Variants in STK4 observed in about 807,000 individuals in gnomAD.
The protein encoded by STK4 is serine/threonine kinase 4, also known as serine/threonine-protein kinase 4.
A neutral mutation model predicts 64.9 loss-of-function variants in STK4; 30 were observed. That is an observed-to-expected ratio of 0.46 (90% CI 0.35 to 0.63). The LOEUF is 0.63. STK4 is among the 20% of genes least tolerant of loss of function. The pLI is 0.01. For missense variants in STK4, 466 were observed against 598.5 expected (o/e 0.78, Z 2.31); for synonymous variants, 177 against 199.0 (o/e 0.89, Z 0.93).
intron 7 of STK4, among the ~76,000 whole-genome samples, chr20:44,999,170 T>G (rs1316897287): frequency 2.6e-5 from 4 of 152,088 alleles, no homozygotes; most frequent in African/African-American, 9.7e-5. Context: ...TGATGTTAAA[T>G]AATAACAGGC....
Position 45,053,063 on chromosome 20 carries a change from G to A in STK4, c.1306-21955G>A, listed in dbSNP as rs747396341. The A allele has an allele frequency of 7.7e-5, 119 of 1,551,002 alleles. No individual in the cohort carries two copies. In the South Asian group the frequency reaches 1.3e-3, roughly 17 times the overall value. On this transcript the variant is annotated intron_variant, in intron 10 of 10. Coordinates refer to ENST00000372806, the MANE Select transcript of STK4 (RefSeq NM_006282.5). ...TTATTTGTGCTTTGGAATATAATGA[G>A]ATTTTGTGCTCTTTTCTTTCAGAAA...
intron 10 of STK4, among the ~76,000 whole-genome samples, chr20:45,066,844 C>T (rs1418309484): frequency 6.6e-6 from 1 of 152,050 alleles, no homozygotes; most frequent in Non-Finnish European, 1.5e-5. Context: ...ATTAAAATTC[C>T]CACAAGGCTT....
In STK4 at chr20:45,000,536, T is replaced by C. The variant is rs2067818514; in HGVS notation, c.960+16T>C. On this transcript the variant is annotated intron_variant, in intron 8 of 10. Transcript: ENST00000372806. The stretch of plus-strand genomic sequence containing the variant: ...AGAAAACTCAGTGAGTGGCAGCCGT[T>C]GCTGTGGGCCTCAGACATTGATGCT... 2.1e-5 allele frequency: 34 copies of C among 1,613,494 alleles called. 1 individual carries two copies. The highest frequency in any genetic ancestry group is 2.9e-5 in the Non-Finnish European group (34 of 1,179,708).
rs1036187297 is a variant in STK4 at position 45,077,050 on chromosome 20, C to G, written c.*1874C>G. ...GGTAGGCTCTAAACTTCACAATAACCCTGTGACTTAACTACTTTATCTCCA... is the reference window on the plus strand; with the variant it reads ...GGTAGGCTCTAAACTTCACAATAACGCTGTGACTTAACTACTTTATCTCCA... On this transcript the variant is annotated 3_prime_UTR_variant, in exon 11 of 11. Coordinates refer to ENST00000372806, the MANE Select transcript of STK4 (RefSeq NM_006282.5). 1.3e-5 allele frequency: 2 copies of G among 152,128 alleles called. No individual in the cohort carries two copies. The highest frequency in any genetic ancestry group is 4.8e-5 in the African/African-American group (2 of 41,418). The allele number at this position is 152,128 out of a possible 1,614,324, so 9.4% of individuals were successfully genotyped here. A position where few individuals can be genotyped will look rare whatever the true frequency, so the allele number is the denominator to read the frequency against.
At chr20:44,999,951 T>A (rs188479394) in intron 7 of STK4, among the ~76,000 whole-genome samples, 2 of 152,228 alleles carry the variant, frequency 1.3e-5, no homozygotes, top group African/African-American at 4.8e-5. Context: ...TACTAAGGTG[T>A]ATACACACCC....
chr20:45,053,292 G>A, intron 10 of STK4: 1 of 862,008 alleles, frequency 1.2e-6, no homozygotes, highest in South Asian at 1.6e-5. Flanking sequence ...GGCTTTGAGA[G>A]CAGGACTTAA....
chr20:44,967,320 C>A, intron 1 of STK4: 1 of 802,916 alleles, frequency 1.2e-6, no homozygotes, highest in Non-Finnish European at 1.5e-6. Flanking sequence ...GACTGAGGTC[C>A]AGAGTAGTTG....
chr20:44,992,233 G>GTTT (rs930243790), intron 5 of STK4, among the ~76,000 whole-genome samples: 4 of 150,320 alleles, frequency 2.7e-5, no homozygotes, highest in Non-Finnish European at 5.9e-5. Flanking sequence ...GTTAATCTAT[G>GTTT]TTTTTTTTAT....
intron 9 of STK4, among the ~76,000 whole-genome samples, chr20:45,011,731 T>TATATATATATATATATATATATATATA (rs1428985946): frequency 1.7e-4 from 14 of 81,160 alleles, no homozygotes; most frequent in Non-Finnish European, 1.9e-4. Flanking sequence ...ATATATATAT[T>TATATATATATATATATATATATATATA]TTTTTTTTTT....
chr20:45,045,069 TA>T (rs890682526), intron 10 of STK4, among the ~76,000 whole-genome samples: 87 of 152,166 alleles, frequency 5.7e-4, no homozygotes, highest in African/African-American at 1.9e-3. Flanking sequence ...TTTACTATTA[TA>T]AAAAAATTAA....
chr20:44,979,795 G>A (rs2067405488), intron 3 of STK4, among the ~76,000 whole-genome samples: 2 of 149,244 alleles, frequency 1.3e-5, no homozygotes, highest in Non-Finnish European at 3.0e-5. Context: ...CTATTTTTGT[G>A]ATTACTGTCT....
In STK4 at chr20:44,994,594, T is replaced by C. The variant is rs114840289; in HGVS notation, c.526-496T>C. Among the ~76,000 whole-genome samples, 458 of 152,066 alleles carry C rather than the reference T, an allele frequency of 3.0e-3. 2 individuals are homozygous for C. The highest frequency in any genetic ancestry group is 0.011 in the African/African-American group (436 of 41,484). On this transcript the variant is annotated intron_variant, in intron 5 of 10. Transcript: ENST00000372806. The stretch of plus-strand genomic sequence containing the variant: ...GAGTTGTTTCCTTTTCCTCCTCATC[T>C]CCCCCATTACAGACATTTCTACAGT...
intron 9 of STK4, among the ~76,000 whole-genome samples, chr20:45,006,998 C>T (rs2067958403): frequency 6.6e-6 from 1 of 152,100 alleles, no homozygotes; most frequent in South Asian, 2.1e-4. Context: ...CCGCTTTTGG[C>T]ATCTGGAAGT....
rs1980546715 is a variant in STK4, at chr20:45,076,734, TG to T, written c.*1561del. ...TTTCCCTCAGATGGGGAGCCATGAC[TG>T]GGTTGCACCTCAGGATACTGTAATT... On this transcript the variant is annotated 3_prime_UTR_variant, in exon 11 of 11. Coordinates refer to ENST00000372806, the MANE Select transcript of STK4 (RefSeq NM_006282.5). This position sits in a 1 kb window ranked among gnomAD's most constrained non-coding sequence, Gnocchi z 4.0. 1 of 152,254 alleles carries T rather than the reference TG, an allele frequency of 6.6e-6. No homozygotes were observed. The highest frequency in any genetic ancestry group is 6.5e-5 in the Admixed American group (1 of 15,280). 9.4% of individuals were successfully genotyped at this position (152,254 alleles called of 1,614,324 possible).
chr20:45,039,195 A>G (rs187298215), intron 10 of STK4, among the ~76,000 whole-genome samples: 6 of 152,214 alleles, frequency 3.9e-5, no homozygotes, highest in Admixed American at 3.9e-4. Context: ...TGATGTTTTA[A>G]AATTTTGAGT....
At chr20:45,026,151 T>C (rs2068342487) in intron 10 of STK4, among the ~76,000 whole-genome samples, 4 of 148,650 alleles carry the variant, frequency 2.7e-5, no homozygotes, top group Admixed American at 6.7e-5. Flanking sequence ...TTTTTGGATG[T>C]CATGTGTTTG....
rs894645987 is a variant in STK4, at chr20:44,995,474, C to T, written c.693+217C>T. Among the ~76,000 whole-genome samples the T allele has an allele frequency of 7.9e-5, 12 of 151,782 alleles. No homozygotes were observed. In the East Asian group the frequency reaches 1.2e-3, roughly 15 times the overall value. ...TACAAAAATTAGCTGGGTGTGGTGGCGTGCGCCTGTAATCCCAGCTGCTTG... is the reference window on the plus strand; with the variant it reads ...TACAAAAATTAGCTGGGTGTGGTGGTGTGCGCCTGTAATCCCAGCTGCTTG... On this transcript the variant is annotated intron_variant, in intron 6 of 10. Transcript: ENST00000372806.
Position 45,075,428 on chromosome 20 carries a change from C to G in STK4, c.*252C>G. On this transcript the variant is annotated 3_prime_UTR_variant, in exon 11 of 11. Transcript: ENST00000372806. ...CGCTTTTAACTCAGAGTTTTAAACC[C>G]CAGGAACAGAGACTCCTAGTTGAGT... is the stretch of plus-strand genomic sequence containing the variant. The G allele has an allele frequency of 2.8e-6, 1 of 359,506 alleles. No individual in the cohort carries two copies. Among genetic ancestry groups the G allele is most frequent in the Non-Finnish European group, 5.1e-6 (1 of 197,316 alleles). 22.3% of individuals were successfully genotyped at this position (359,506 alleles called of 1,614,324 possible).
chr20:45,007,125 C>T (rs1337575405), intron 9 of STK4, among the ~76,000 whole-genome samples: 1 of 152,134 alleles, frequency 6.6e-6, no homozygotes, highest in Admixed American at 6.5e-5. Context: ...CACTTCAGCT[C>T]ATTCCGTTAT....
Sources: gnomAD v4.1 joint callset for allele counts (sites outside exome capture counted in the v4.1 genomes callset) on GRCh38, gnomAD v4.1.1 for gene constraint, Gnocchi (gnomAD v3.1) non-coding constraint, MANE v1.5 for transcripts, NCBI Gene and HGNC (gene_info 2026-07-23, HGNC 2026-07-21) for gene names.